The following AIG1 variants were observed in gnomAD, a reference collection of about 807,000 sequenced individuals.
AIG1 encodes the protein androgen-induced gene 1 protein.
In AIG1, 23 loss-of-function variants were observed where a neutral mutation model predicts 31.4. That is an observed-to-expected ratio of 0.73 (90% CI 0.53 to 1.04). The LOEUF (loss-of-function observed/expected upper bound fraction) is 1.04, where lower values mean the gene tolerates loss of function less well. Ranked by LOEUF, AIG1 falls within the 50% of genes least tolerant of loss-of-function variation. The pLI is 0.00. For synonymous variants in AIG1, 100 were observed against 110.5 expected, an observed-to-expected ratio of 0.90 and a Z score of 0.60; for missense variants, 274 against 295.0, an observed-to-expected ratio of 0.93 and a Z score of 0.52.
rs1776917177 is a variant in AIG1 at position 143,329,735 on chromosome 6, T to TA, written c.516-3544dup. On this transcript the variant is annotated intron_variant, in intron 4 of 5. Coordinates refer to ENST00000357847, the MANE Select transcript of AIG1 (RefSeq NM_016108.4). This position sits in a 1 kb window ranked among gnomAD's most constrained non-coding sequence, Gnocchi z 4.9. ...AAGCTAAGAATGGTTTTCACATTTTTAAATAGTTGAAAAAATCAAAAGATG... is the reference window on the plus strand; with the variant it reads ...AAGCTAAGAATGGTTTTCACATTTTTAAAATAGTTGAAAAAATCAAAAGATG... Among the ~76,000 whole-genome samples the TA allele has an allele frequency of 6.6e-6, 1 of 152,226 alleles. No homozygotes were observed. The highest frequency in any genetic ancestry group is 2.4e-5 in the African/African-American group (1 of 41,460).
intron 1 of AIG1, among the ~76,000 whole-genome samples, chr6:143,064,162 G>T (rs1448204326): frequency 6.6e-6 from 1 of 152,142 alleles, no homozygotes; most frequent in African/African-American, 2.4e-5. Flanking sequence ...CATGGCAAAG[G>T]GAAATTAAAG....
intron 4 of AIG1, among the ~76,000 whole-genome samples, chr6:143,304,364 G>A (rs1490278749): frequency 2.0e-5 from 3 of 151,132 alleles, no homozygotes; most frequent in South Asian, 4.3e-4. Flanking sequence ...CTGTGGGTTT[G>A]TCATAGATAG....
At chr6:143,167,781 T>A (rs895500701) in intron 3 of AIG1, among the ~76,000 whole-genome samples, 1 of 152,190 alleles carries the variant, frequency 6.6e-6, no homozygotes, top group Non-Finnish European at 1.5e-5. Context: ...ATATGTCAAA[T>A]CCTCTGAGAG....
chr6:143,199,392 A>G (rs1237069999), intron 3 of AIG1, among the ~76,000 whole-genome samples: 1 of 152,140 alleles, frequency 6.6e-6, no homozygotes, highest in East Asian at 1.9e-4. Flanking sequence ...TTGAAATTAA[A>G]TCGGGAAAAA....
At chr6:143,177,876 C>T (rs909487082) in intron 3 of AIG1, among the ~76,000 whole-genome samples, 8 of 152,228 alleles carry the variant, frequency 5.3e-5, no homozygotes, top group African/African-American at 1.7e-4. Context: ...GGGCTGGGGT[C>T]GCCAGTGGTG....
intron 1 of AIG1, among the ~76,000 whole-genome samples, chr6:143,064,919 G>A (rs137857133): frequency 0.064 from 9,788 of 152,236 alleles, 1,037 homozygotes; most frequent in African/African-American, 0.22. Flanking sequence ...GTCAGCGAAG[G>A]GAGATGGGGA....
At chr6:143,060,860 G>A (rs556477557), upstream of AIG1, 204 of 1,110,700 alleles carry the variant, frequency 1.8e-4, no homozygotes, top group East Asian at 5.1e-4. Context: ...GCCCGCCCCC[G>A]CGCGCCCGGC....
chr6:143,305,404 C>T (rs2128702128), intron 4 of AIG1, among the ~76,000 whole-genome samples: 1 of 152,162 alleles, frequency 6.6e-6, no homozygotes, highest in Non-Finnish European at 1.5e-5. Context: ...GAATGTGTCC[C>T]AGAGATTCTG....
chr6:143,264,934 G>A (rs73594170), intron 3 of AIG1, among the ~76,000 whole-genome samples: 1 of 152,062 alleles, frequency 6.6e-6, no homozygotes, highest in African/African-American at 2.4e-5. Flanking sequence ...TTGCAGCTTC[G>A]CAATGACAAC....
chr6:143,196,650 A>T (rs1238479510), intron 3 of AIG1, among the ~76,000 whole-genome samples: 1 of 152,188 alleles, frequency 6.6e-6, no homozygotes. Flanking sequence ...TTTGGGCTCC[A>T]GGCGTTGACT....
In AIG1 at chr6:143,297,030, G is replaced by A. The variant is rs1798471721; in HGVS notation, c.515+12805G>A. Among the ~76,000 whole-genome samples, 1 of 152,170 alleles carries A rather than the reference G, an allele frequency of 6.6e-6. No homozygotes were observed. The highest frequency in any genetic ancestry group is 6.5e-5 in the Admixed American group (1 of 15,280). ...CAGCTCTGTCCTCAAGGAGCTTACA[G>A]TCTATTGAAGGATACAGGGAACTAA... is the stretch of plus-strand genomic sequence containing the variant. On this transcript the variant is annotated intron_variant, in intron 4 of 5. Coordinates refer to ENST00000357847, the MANE Select transcript of AIG1 (RefSeq NM_016108.4). This position sits in a 1 kb window ranked among gnomAD's most constrained non-coding sequence, Gnocchi z 5.1.
intron 3 of AIG1, among the ~76,000 whole-genome samples, chr6:143,267,041 G>T (rs965330320): frequency 6.6e-6 from 1 of 152,166 alleles, no homozygotes; most frequent in Non-Finnish European, 1.5e-5. Flanking sequence ...TCAACGTCCT[G>T]CTTCTCTCTC....
chr6:143,096,068 G>A (rs1378177415), intron 1 of AIG1, among the ~76,000 whole-genome samples: 4 of 151,808 alleles, frequency 2.6e-5, no homozygotes, highest in South Asian at 2.1e-4. Context: ...CACCATGCCC[G>A]GGTAATTTTT....
At chr6:143,066,563 G>A (rs370420582) in intron 1 of AIG1, among the ~76,000 whole-genome samples, 14 of 152,114 alleles carry the variant, frequency 9.2e-5, no homozygotes, top group Admixed American at 3.3e-4. Flanking sequence ...GTGAGCCACC[G>A]CGCCTGGCCT....
chr6:143,287,934 A>G (rs1407707374), intron 4 of AIG1, among the ~76,000 whole-genome samples: 1 of 152,054 alleles, frequency 6.6e-6, no homozygotes, highest in African/African-American at 2.4e-5. Context: ...ATAGTCATAA[A>G]CAACTCTAAG....
chr6:143,341,427 G>T (rs1488692207), downstream of AIG1, among the ~76,000 whole-genome samples: 1 of 152,142 alleles, frequency 6.6e-6, no homozygotes, highest in Non-Finnish European at 1.5e-5. Context: ...TAGTGCCTTA[G>T]AATATGACTG....
chr6:143,233,327 A>G (rs1313746864), intron 3 of AIG1, among the ~76,000 whole-genome samples: 1 of 152,192 alleles, frequency 6.6e-6, no homozygotes, highest in Non-Finnish European at 1.5e-5. Context: ...TCCTGAGATT[A>G]TATGACCTTG....
chr6:143,125,107 A>G (rs952271809), intron 1 of AIG1, among the ~76,000 whole-genome samples: 1 of 152,218 alleles, frequency 6.6e-6, no homozygotes, highest in Non-Finnish European at 1.5e-5. Flanking sequence ...TATTTTTAGC[A>G]GTTAAATTAT....
intron 1 of AIG1, among the ~76,000 whole-genome samples, chr6:143,117,710 C>G (rs917209882): frequency 1.3e-5 from 2 of 151,998 alleles, no homozygotes; most frequent in Non-Finnish European, 2.9e-5. Context: ...AGTCAAGAGT[C>G]GATCAGATCT....
Sources: gnomAD v4.1 joint callset for allele counts (sites outside exome capture counted in the v4.1 genomes callset) on GRCh38, gnomAD v4.1.1 for gene constraint, Gnocchi (gnomAD v3.1) non-coding constraint, MANE v1.5 for transcripts, NCBI Gene and HGNC (gene_info 2026-07-23, HGNC 2026-07-21) for gene names.